CDHR4: variants seen among roughly 807,000 people sequenced by gnomAD.
The protein encoded by CDHR4 is cadherin-related family member 4.
Under a neutral mutation model 88.4 loss-of-function variants are expected in CDHR4, and 89 were observed. The observed-to-expected ratio is 1.01, with a 90% CI of 0.85 to 1.20. CDHR4 has a LOEUF of 1.20. Ranked by LOEUF, CDHR4 falls within the 50% of genes most tolerant of loss-of-function variation. CDHR4 has a pLI of 0.00. For missense variants in CDHR4, 914 were observed against 1,007.2 expected (o/e 0.91, Z 1.25); for synonymous variants, 368 against 399.2 (o/e 0.92, Z 0.93).
chr3:49,793,360 C>T (rs1325004832), intron 12 of CDHR4, 49 bp from the exon 13 acceptor site: 2 of 1,533,354 alleles, frequency 1.3e-6, no homozygotes, highest in African/African-American at 2.8e-5. Context: ...CCCCCTAAAC[C>T]TCTGAGCCAG....
intron 12 of CDHR4, 67 bp from the exon 13 acceptor site, chr3:49,793,378 ACTT>A (rs1559724494): frequency 1.5e-5 from 23 of 1,514,564 alleles, no homozygotes; most frequent in South Asian, 8.8e-5. Flanking sequence ...CAGCCCCTCA[ACTT>A]CTTCTCACCA....
At chr3:49,791,502 T>G in intron 17 of CDHR4, 34 bp from the exon 18 acceptor site, 1 of 1,540,788 alleles carries the variant, frequency 6.5e-7, no homozygotes, top group Non-Finnish European at 8.7e-7. Context: ...ATGCAATGAA[T>G]TGAACCCTGC....
intron 4 of CDHR4, among the ~76,000 whole-genome samples, 200 bp from the exon 5 acceptor site, chr3:49,797,232 CCTTT>C (rs754151243): frequency 1.7e-4 from 26 of 151,542 alleles, no homozygotes; most frequent in Non-Finnish European, 2.9e-4. Context: ...CTCCTTCCTT[CCTTT>C]CTCTCTTTCT....
intron 4 of CDHR4, among the ~76,000 whole-genome samples, chr3:49,797,868 CA>C (rs1394367980): frequency 6.6e-6 from 1 of 151,524 alleles, no homozygotes; most frequent in Non-Finnish European, 1.5e-5. Context: ...CCGCAGTCCT[CA>C]ATCCTTTTTG....
In CDHR4 at chr3:49,799,830, G is replaced by A; in HGVS notation, c.-18C>T. 6.2e-7 allele frequency: 1 copy of A among 1,613,712 alleles called. No individual in the cohort carries two copies. Among genetic ancestry groups the A allele is most frequent in the Non-Finnish European group, 8.5e-7 (1 of 1,179,694 alleles). On this transcript the variant is annotated 5_prime_UTR_variant, in exon 1 of 19. Coordinates refer to ENST00000412678, the MANE Select transcript of CDHR4 (RefSeq NM_001007540.4). Reference sequence around the variant, plus strand: ...AGCACCATGATGACCTGAAGACACAGACAGCAGAGGAGGCTTCAGAAAGCT... The same window carrying A: ...AGCACCATGATGACCTGAAGACACAAACAGCAGAGGAGGCTTCAGAAAGCT...
In CDHR4 at chr3:49,794,619, G is replaced by A; in HGVS notation, c.1268C>T (p.Pro423Leu). ...GTGTGGTCACTCACTGGTCATCTGG[G>A]GCTGGCCACCATCGAGCACCAGGAT... ...ASILVLDGGQ[P>L]QMTTEVPVLV... The change falls in exon 10 of 19, where the codon CCC (proline) becomes CTC (leucine). Residue 423 changes from proline (P) to leucine (L), a missense_variant. By Grantham distance (98) the Pro-to-Leu change is moderately conservative (BLOSUM62 -3). Transcript: ENST00000412678. The A allele has an allele frequency of 1.9e-6, 3 of 1,550,726 alleles. No homozygotes were observed. The highest frequency in any genetic ancestry group is 2.6e-6 in the Non-Finnish European group (3 of 1,146,710).
chr3:49,799,751 A>T lies in CDHR4; in HGVS notation c.49+13T>A, dbSNP rs1404658832. The T allele has an allele frequency of 6.2e-7, 1 of 1,613,702 alleles. No individual in the cohort carries two copies. Among genetic ancestry groups the T allele is most frequent in the South Asian group, 1.1e-5 (1 of 91,064 alleles). ...AGGGAAAACTACGGTTCCCCCACCC[A>T]CCACCTCCTCACCAGAGACCACCGG... On this transcript the variant is annotated intron_variant, in intron 1 of 18. Transcript: ENST00000412678.
intron 18 of CDHR4, 32 bp from the exon 19 acceptor site, chr3:49,790,919 G>A: frequency 6.6e-7 from 1 of 1,518,700 alleles, no homozygotes. Context: ...GGAGAGCAGG[G>A]GGTGCTGCTG....
Position 49,791,906 on chromosome 3 carries a change from T to G in CDHR4, c.2192A>C (p.Asn731Thr). ...GAAGTATGCAAAGGAGACTGACCTG[T>G]TTAGCAGCAAAGCCTGGGCTGGTTT... ...PSKPAQALLL[N>T]SIQGTEGSIE... Residue 731 changes from asparagine to threonine, a missense_variant, in exon 16 of 19, where the codon AAC (asparagine) becomes ACC (threonine). Physicochemically the swap from Asn to Thr is moderately conservative, Grantham distance 65 (BLOSUM62 0). Transcript: ENST00000412678. The G allele has an allele frequency of 1.9e-6, 3 of 1,551,664 alleles. 1 individual carries two copies. Among genetic ancestry groups the G allele is most frequent in the Non-Finnish European group, 2.6e-6 (3 of 1,146,970 alleles).
rs373423994 is a variant in CDHR4, at chr3:49,799,840, G to A, written c.-28C>T. On this transcript the variant is annotated 5_prime_UTR_variant, in exon 1 of 19. Transcript: ENST00000412678. ...TGACCTGAAGACACAGACAGCAGAG[G>A]AGGCTTCAGAAAGCTAGGCTGTTTG... 5.0e-6 allele frequency: 8 copies of A among 1,613,308 alleles called. No individual in the cohort carries two copies. Among genetic ancestry groups the A allele is most frequent in the Non-Finnish European group, 6.8e-6 (8 of 1,179,546 alleles).
chr3:49,801,774 C>T (rs2081364267), upstream of CDHR4, among the ~76,000 whole-genome samples: 1 of 152,214 alleles, frequency 6.6e-6, no homozygotes, highest in Non-Finnish European at 1.5e-5. Flanking sequence ...CAAAGTGACC[C>T]CCTTCAGTGC....
rs1284523959 is a variant in CDHR4, at chr3:49,799,778, G to A, written c.35C>T (p.Ala12Val). 3.1e-6 allele frequency: 5 copies of A among 1,613,846 alleles called. No homozygotes were observed. The highest frequency in any genetic ancestry group is 2.7e-5 in the African/African-American group (2 of 74,930). Residue 12 changes from alanine (A) to valine (V), a missense_variant, in exon 1 of 19, where the codon GCT becomes GTT. Transcript: ENST00000412678. The stretch of plus-strand genomic sequence containing the variant: ...CACCTCCTCACCAGAGACCACCGGA[G>A]CAAAGAGGAACACGAGGAGCCTGAG... Reference protein sequence around the residue: ...VLLRLLVFLFAPVVSDLCSLP... With the variant: ...VLLRLLVFLFVPVVSDLCSLP...
upstream of CDHR4, among the ~76,000 whole-genome samples, chr3:49,801,796 C>A (rs1260297398): frequency 6.6e-6 from 1 of 152,250 alleles, no homozygotes; most frequent in Admixed American, 6.5e-5. Context: ...CCTGCCCTGC[C>A]CAGGCCTAGG....
chr3:49,792,819 T>A, intron 14 of CDHR4, 35 bp downstream of exon 14: 2 of 1,504,458 alleles, frequency 1.3e-6, no homozygotes, highest in South Asian at 1.3e-5. Context: ...GGTCCACCCT[T>A]CCCACCCTGC....
At chr3:49,799,186 C>G in intron 2 of CDHR4, 30 bp from the exon 3 acceptor site, 1 of 1,597,758 alleles carries the variant, frequency 6.3e-7, no homozygotes, top group Non-Finnish European at 8.5e-7. Context: ...CCATGTGGGG[C>G]TTGGAAATTT....
At chr3:49,799,978 T>C, upstream of CDHR4, 1 of 635,400 alleles carries the variant, frequency 1.6e-6, no homozygotes, top group African/African-American at 1.8e-5. Flanking sequence ...TCTAGACCTC[T>C]GGCAGGCTTC....
At chr3:49,790,971 G>A in intron 18 of CDHR4, 84 bp from the exon 19 acceptor site, 1 of 1,120,810 alleles carries the variant, frequency 8.9e-7, no homozygotes, top group East Asian at 2.6e-5. Flanking sequence ...TTAAGGGTAG[G>A]AGATTATTCC....
chr3:49,796,059 CA>C lies in CDHR4; in HGVS notation c.607-14del, dbSNP rs1209777977. ...GCAGCTGGAAGACCTGTGGTGCACC[CA>C]GAACAGAAAAGGAGCCAGATTGTGT... On this transcript the variant is annotated splice_polypyrimidine_tract_variant and intron_variant, in intron 5 of 18. Coordinates refer to ENST00000412678, the MANE Select transcript of CDHR4 (RefSeq NM_001007540.4). 6.0e-6 allele frequency: 9 copies of C among 1,496,732 alleles called. No homozygotes were observed. The East Asian group carries it at 2.2e-4, about 37-fold the overall frequency. 92.7% of individuals were successfully genotyped at this position (1,496,732 alleles called of 1,614,324 possible).
chr3:49,799,288 G>A lies in CDHR4; in HGVS notation c.199C>T (p.Pro67Ser), dbSNP rs1363434048. 3.7e-6 allele frequency: 6 copies of A among 1,613,760 alleles called. No individual in the cohort carries two copies. The highest frequency in any genetic ancestry group is 2.7e-5 in the African/African-American group (2 of 74,918). The change falls in exon 2 of 19, where the codon CCA becomes TCA. Residue 67 changes from proline (P) to serine (S), a missense_variant. By Grantham distance (74) the Pro-to-Ser change is moderately conservative (BLOSUM62 -1). Transcript: ENST00000412678. ...CCTTGCCACCTGGCCAAGCTGGGTG[G>A]GTTGAAGAAGGTGGTGGGTGGCTGG... is the stretch of plus-strand genomic sequence containing the variant. Reference protein sequence around the residue: ...NVQPPTTFFNPPSLARWQGTY... With the variant: ...NVQPPTTFFNSPSLARWQGTY...
Sources: allele counts gnomAD v4.1 joint callset (sites outside exome capture counted in the v4.1 genomes callset), GRCh38; gene constraint gnomAD v4.1.1; transcripts MANE v1.5; gene names NCBI Gene and HGNC (gene_info 2026-07-23, HGNC 2026-07-21).